LHX3: variants seen among roughly 807,000 people sequenced by gnomAD.
LHX3 encodes the protein LIM/homeobox protein Lhx3.
LHX3 carries 21 observed loss-of-function variants against 32.4 expected under a neutral mutation model. That is an observed-to-expected ratio of 0.65 (90% CI 0.46 to 0.93). The LOEUF is 0.93. Ranked by LOEUF, LHX3 falls within the 40% of genes least tolerant of loss-of-function variation. The pLI is 0.00. For missense variants in LHX3, 626 were observed against 560.0 expected (o/e 1.12, Z -1.19); for synonymous variants, 258 against 246.8 (o/e 1.05, Z -0.43).
At chr9:136,204,078 G>A (rs1831705419) in intron 1 of LHX3, among the ~76,000 whole-genome samples, 1 of 152,238 alleles carries the variant, frequency 6.6e-6, no homozygotes, top group South Asian at 2.1e-4. Context: ...GGGGACCAGG[G>A]GCTGATGCCA....
chr9:136,201,652 C>A, intron 1 of LHX3: 1 of 990,702 alleles, frequency 1.0e-6, no homozygotes. Context: ...GTGGACCCCG[C>A]CGGCTCCAGC....
intron 1 of LHX3, chr9:136,203,018 C>G: frequency 6.6e-7 from 1 of 1,522,172 alleles, no homozygotes; most frequent in Non-Finnish European, 8.8e-7. Context: ...CGGGCCGGGC[C>G]CAGCTCCCCG....
chr9:136,204,433 G>A (rs1831711561), intron 1 of LHX3, among the ~76,000 whole-genome samples: 1 of 152,234 alleles, frequency 6.6e-6, no homozygotes, highest in Admixed American at 6.5e-5. Context: ...GACTGGGGAA[G>A]GGGCGGCGGC....
intron 3 of LHX3, 77 bp downstream of exon 3, chr9:136,199,601 G>A (rs1379248284): frequency 2.2e-5 from 32 of 1,483,490 alleles, no homozygotes; most frequent in Non-Finnish European, 3.0e-5. Context: ...GAATTTCCCC[G>A]GACGCCCCCC....
chr9:136,203,210 G>A (rs1831688424), intron 1 of LHX3: 1 of 972,664 alleles, frequency 1.0e-6, no homozygotes, highest in Admixed American at 5.5e-5. Context: ...AGGGCGGAGC[G>A]GCCGGGGGGC....
In LHX3 at chr9:136,200,617, T is replaced by C; in HGVS notation, c.216A>G (p.Arg72=). 1 of 1,613,600 alleles carries C rather than the reference T, an allele frequency of 6.2e-7. No homozygotes were observed. The highest frequency in any genetic ancestry group is 8.5e-7 in the Non-Finnish European group (1 of 1,180,038). ...CGTCCTTGCAGTAAACGCTCTCCCCTCGGCTGAAGCAGCGCTCGGCCAGTG... is the reference window on the plus strand; with the variant it reads ...CGTCCTTGCAGTAAACGCTCTCCCCCCGGCTGAAGCAGCGCTCGGCCAGTG... ...HTPLAERCFS[R]GESVYCKDDF... Residue 72 remains arginine, a synonymous_variant, in exon 2 of 6, where the codon CGA becomes CGG. Transcript: ENST00000371748.
At chr9:136,198,863 G>A (rs377590704) in intron 4 of LHX3, 43 bp from the exon 5 acceptor site, 7 of 1,593,094 alleles carry the variant, frequency 4.4e-6, no homozygotes, top group African/African-American at 1.3e-5. Flanking sequence ...CTCTGCGGGG[G>A]CCCCCAAGGC....
intron 1 of LHX3, chr9:136,201,224 A>G: frequency 3.1e-6 from 4 of 1,292,434 alleles, no homozygotes; most frequent in Non-Finnish European, 3.9e-6. Context: ...CACTCTTTCT[A>G]GGGACTCCTC....
intron 1 of LHX3, among the ~76,000 whole-genome samples, chr9:136,203,435 GAGGC>G (rs1216971527): frequency 6.6e-6 from 1 of 152,202 alleles, no homozygotes; most frequent in Non-Finnish European, 1.5e-5. Context: ...CCCAGAGGCA[GAGGC>G]CTGAGCTGGA....
chr9:136,202,072 G>A (rs1831652851), intron 1 of LHX3, among the ~76,000 whole-genome samples: 1 of 152,080 alleles, frequency 6.6e-6, no homozygotes, highest in African/African-American at 2.4e-5. Flanking sequence ...GGGATGGCGG[G>A]GTCGGCGGAG....
chr9:136,198,547 T>G, intron 5 of LHX3, 105 bp downstream of exon 5: 1 of 1,252,738 alleles, frequency 8.0e-7, no homozygotes, highest in East Asian at 2.6e-5. Flanking sequence ...ACTTAAGGAG[T>G]CCACTAACTC....
At chr9:136,202,906 C>T (rs1274193863) in intron 1 of LHX3, 4 of 1,528,580 alleles carry the variant, frequency 2.6e-6, no homozygotes, top group Non-Finnish European at 2.6e-6. Flanking sequence ...CTGAGGATCT[C>T]CTGGTCTCCC....
chr9:136,201,531 A>G, intron 1 of LHX3: 2 of 1,134,288 alleles, frequency 1.8e-6, no homozygotes, highest in East Asian at 4.5e-5. Flanking sequence ...CGGGTTTTCC[A>G]GGTGTCAAGG....
rs1346288586 is a variant in LHX3, at chr9:136,204,627, G to A, written c.79+307C>T. ...GCCGGGCTGTGTGCAAGAGCTGACGGGCACTGGTCACCGGGGGAACCTAGC... is the reference window on the plus strand; with the variant it reads ...GCCGGGCTGTGTGCAAGAGCTGACGAGCACTGGTCACCGGGGGAACCTAGC... On this transcript the variant is annotated intron_variant, in intron 1 of 5. Coordinates refer to ENST00000371748, the MANE Select transcript of LHX3 (RefSeq NM_178138.6). Among the ~76,000 whole-genome samples the A allele has an allele frequency of 2.0e-5, 3 of 152,182 alleles. No individual in the cohort carries two copies. In the East Asian group the frequency reaches 5.8e-4, roughly 29 times the overall value.
chr9:136,203,085 C>T (rs1318024266), intron 1 of LHX3: 3 of 1,486,552 alleles, frequency 2.0e-6, no homozygotes, highest in South Asian at 1.3e-5. Context: ...CGAACTTTCC[C>T]GGGCCCAGCG....
intron 2 of LHX3, 196 bp downstream of exon 2, chr9:136,200,386 A>G (rs1380229002): frequency 1.3e-5 from 8 of 628,184 alleles, no homozygotes; most frequent in Non-Finnish European, 2.2e-5. Flanking sequence ...AGGCCCAGCC[A>G]CCCAGGGAGC....
At chr9:136,199,132 G>A (rs967390290) in intron 3 of LHX3, 73 bp from the exon 4 acceptor site, 9 of 899,686 alleles carry the variant, frequency 1.0e-5, no homozygotes, top group South Asian at 4.4e-5. Context: ...TCCCACCCCG[G>A]CCGGCGCGGG....
intron 1 of LHX3, chr9:136,201,173 G>C (rs555803256): frequency 7.3e-7 from 1 of 1,364,286 alleles, no homozygotes; most frequent in Admixed American, 3.4e-5. Context: ...ACCTGGAGCT[G>C]GGGCACCCCA....
At chr9:136,204,870 A>G in intron 1 of LHX3, 64 bp downstream of exon 1, 1 of 1,358,300 alleles carries the variant, frequency 7.4e-7, no homozygotes, top group Non-Finnish European at 1.0e-6. Flanking sequence ...CCCTGCACGC[A>G]CCCCCTTCCT....
Sources: gnomAD v4.1 joint callset for allele counts (sites outside exome capture counted in the v4.1 genomes callset) on GRCh38, gnomAD v4.1.1 for gene constraint, MANE v1.5 for transcripts, NCBI Gene and HGNC (gene_info 2026-07-23, HGNC 2026-07-21) for gene names.